The following SEL1L3 variants were observed in gnomAD, a reference collection of about 807,000 sequenced individuals.
SEL1L3 encodes the protein protein sel-1 homolog 3.
SEL1L3 carries 76 observed loss-of-function variants against 142.8 expected under a neutral mutation model. That is an observed-to-expected ratio of 0.53 (90% CI 0.44 to 0.64). The LOEUF is 0.64. SEL1L3 is among the 30% of genes least tolerant of loss of function. The pLI is 0.00. For synonymous variants in SEL1L3, 504 were observed against 519.6 expected (o/e 0.97, Z 0.41); for missense variants, 1,262 against 1,381.7 (o/e 0.91, Z 1.37).
intron 1 of SEL1L3, among the ~76,000 whole-genome samples, chr4:25,852,048 C>T (rs887573796): frequency 2.0e-5 from 3 of 152,004 alleles, no homozygotes; most frequent in African/African-American, 7.3e-5. Flanking sequence ...CATGCCACCC[C>T]CCCCAGGAGA....
At chr4:25,807,407 C>T (rs528138100) in intron 9 of SEL1L3, among the ~76,000 whole-genome samples, 74 of 152,260 alleles carry the variant, frequency 4.9e-4, no homozygotes, top group African/African-American at 1.8e-3. Flanking sequence ...GTCCGTTCTA[C>T]CCAGTCTTTA....
chr4:25,725,527 G>A, the SEL1L3 span, among the ~76,000 whole-genome samples: 1 of 152,200 alleles, frequency 6.6e-6, no homozygotes, highest in South Asian at 2.1e-4. Context: ...TGTTGGCCAG[G>A]CTGGTCTTGA....
At chr4:25,845,404 G>T (rs1477437490) in intron 2 of SEL1L3, among the ~76,000 whole-genome samples, 1 of 152,184 alleles carries the variant, frequency 6.6e-6, no homozygotes, top group African/African-American at 2.4e-5. Flanking sequence ...GCTGAGGTGG[G>T]AGGATTGTTT....
intron 16 of SEL1L3, 140 bp downstream of exon 16, chr4:25,778,936 G>T: frequency 1.5e-6 from 1 of 646,970 alleles, no homozygotes; most frequent in Non-Finnish European, 2.4e-6. Context: ...TTTTAATTTT[G>T]TCTTGTCAAA....
chr4:25,773,460 A>G (rs1276723716), intron 17 of SEL1L3: 1 of 152,192 alleles, frequency 6.6e-6, no homozygotes, highest in East Asian at 1.9e-4. Flanking sequence ...ATACATATCA[A>G]TGATTACATG....
At chr4:25,802,585 C>T (rs1007433402) in intron 10 of SEL1L3, 123 bp from the exon 11 acceptor site, 6 of 854,158 alleles carry the variant, frequency 7.0e-6, no homozygotes, top group South Asian at 5.7e-5. Context: ...AATATGTTAA[C>T]TTGCCTTTTT....
At chr4:25,744,348 C>CTTTTTTTTTTTTTTTTTT (rs35155388), downstream of SEL1L3, among the ~76,000 whole-genome samples, 8 of 101,440 alleles carry the variant, frequency 7.9e-5, 1 homozygote, top group Non-Finnish European at 9.6e-5. Flanking sequence ...ATGTGTGAGT[C>CTTTTTTTTTTTTTTTTTT]TTTTTTTTTT....
intron 2 of SEL1L3, among the ~76,000 whole-genome samples, chr4:25,837,507 G>A (rs971555401): frequency 6.6e-6 from 1 of 151,436 alleles, no homozygotes; most frequent in African/African-American, 2.4e-5. Context: ...AGAACTTGCC[G>A]CAATAGATTA....
chr4:25,772,524 T>TA (rs1302311664), intron 17 of SEL1L3, among the ~76,000 whole-genome samples: 1 of 147,552 alleles, frequency 6.8e-6, no homozygotes, highest in African/African-American at 2.5e-5. Context: ...ATGAGATACA[T>TA]AAAAAATGCT....
intron 7 of SEL1L3, among the ~76,000 whole-genome samples, chr4:25,820,681 A>G (rs1053898916): frequency 8.5e-5 from 13 of 152,256 alleles, no homozygotes; most frequent in Non-Finnish European, 8.8e-5. Flanking sequence ...TAGCAAGGGT[A>G]TGTATTCTTA....
intron 6 of SEL1L3, among the ~76,000 whole-genome samples, chr4:25,827,066 T>A (rs2109271928): frequency 6.6e-6 from 1 of 152,362 alleles, no homozygotes; most frequent in East Asian, 1.9e-4. Flanking sequence ...TCCTTCTATG[T>A]TTACACTGAT....
intron 11 of SEL1L3, among the ~76,000 whole-genome samples, chr4:25,793,163 T>C (rs544875746): frequency 1.3e-5 from 2 of 152,150 alleles, no homozygotes; most frequent in South Asian, 2.1e-4. Context: ...GTTCTTCAAA[T>C]TGAGGAGTCA....
intron 17 of SEL1L3, among the ~76,000 whole-genome samples, chr4:25,775,906 T>C (rs1487479238): frequency 6.6e-6 from 1 of 152,120 alleles, no homozygotes. Flanking sequence ...GTAGAAATTC[T>C]GGACTTTCTG....
chr4:25,812,649 T>A (rs1714107522), intron 9 of SEL1L3, among the ~76,000 whole-genome samples: 1 of 149,438 alleles, frequency 6.7e-6, no homozygotes, highest in African/African-American at 2.5e-5. Context: ...GAGGCAGAGG[T>A]TGCAGTAAGC....
At chr4:25,777,847 G>A (rs1225224526) in intron 16 of SEL1L3, 5 of 456,062 alleles carry the variant, frequency 1.1e-5, no homozygotes, top group South Asian at 6.2e-5. Context: ...GAGAGCCAGG[G>A]TATCAGTGTG....
At chr4:25,768,941 T>C (rs1283426929) in intron 17 of SEL1L3, among the ~76,000 whole-genome samples, 1 of 151,980 alleles carries the variant, frequency 6.6e-6, no homozygotes, top group Non-Finnish European at 1.5e-5. Context: ...CTAAAAATTA[T>C]CACTAAAATG....
At chr4:25,825,295 T>G (rs1442188197) in intron 6 of SEL1L3, among the ~76,000 whole-genome samples, 1 of 152,142 alleles carries the variant, frequency 6.6e-6, no homozygotes, top group Non-Finnish European at 1.5e-5. Flanking sequence ...AAATTCTCAG[T>G]GTCTGCACAA....
chr4:25,849,881 T>C (rs996668623), intron 1 of SEL1L3, among the ~76,000 whole-genome samples: 4 of 152,112 alleles, frequency 2.6e-5, no homozygotes, highest in African/African-American at 7.2e-5. Flanking sequence ...AGTGTTCCCA[T>C]CAAACTGTAA....
At chr4:25,860,681 A>T (rs886160625) in intron 1 of SEL1L3, 1 of 152,210 alleles carries the variant, frequency 6.6e-6, no homozygotes, top group African/African-American at 2.4e-5. Flanking sequence ...AGCGTATCAG[A>T]AGTCCATCTG....
Sources: allele counts gnomAD v4.1 joint callset (sites outside exome capture counted in the v4.1 genomes callset), GRCh38; gene constraint gnomAD v4.1.1; transcripts MANE v1.5; gene names NCBI Gene and HGNC (gene_info 2026-07-23, HGNC 2026-07-21).